SRRM4: variants seen among roughly 807,000 people sequenced by gnomAD.
SRRM4 encodes serine/arginine repetitive matrix protein 4.
Under a neutral mutation model 68.9 loss-of-function variants are expected in SRRM4, and 33 were observed. That is an observed-to-expected ratio of 0.48 (90% CI 0.36 to 0.64). SRRM4 has a LOEUF of 0.64. Among genes scored for constraint, SRRM4 ranks in the 30% least tolerant of loss-of-function variants. SRRM4 has a pLI of 0.00. For missense variants in SRRM4, 817 were observed against 827.1 expected (o/e 0.99, Z 0.15); for synonymous variants, 318 against 318.8 (o/e 1.00, Z 0.03).
rs527654862 is a variant in SRRM4, at chr12:119,045,946, G to A, written c.132-56290G>A. The stretch of plus-strand genomic sequence containing the variant: ...CCAGCTACTCAGGAGGCTGAGGCAG[G>A]GGAATTGCTTGAACCCGGGAGGCAG... On this transcript the variant is annotated intron_variant, in intron 1 of 12. Transcript: ENST00000267260. Among the ~76,000 whole-genome samples the A allele has an allele frequency of 4.6e-5, 7 of 152,182 alleles. No individual in the cohort carries two copies. The South Asian group carries it at 1.2e-3, about 27-fold the overall frequency.
rs749002910 is a variant in SRRM4, at chr12:119,156,447, A to T, written c.1533-48A>T. ...GACAAGACTGGGGCTCGCTGCGGGG[A>T]GGCACGGAGGGGCCGGCCCTCATCC... is the stretch of plus-strand genomic sequence containing the variant. On this transcript the variant is annotated intron_variant, in intron 12 of 12. Transcript: ENST00000267260. 9.2e-6 allele frequency: 14 copies of T among 1,523,930 alleles called. 1 individual carries two copies. The South Asian group carries it at 1.7e-4, about 19-fold the overall frequency. 94.4% of individuals were successfully genotyped at this position (1,523,930 alleles called of 1,614,324 possible).
chr12:119,125,920 CAAAACA>C (rs574797846), intron 7 of SRRM4, among the ~76,000 whole-genome samples: 24 of 146,542 alleles, frequency 1.6e-4, no homozygotes, highest in Non-Finnish European at 9.0e-5. Context: ...GACTCCATCT[CAAAACA>C]AAAACAAAAA....
chr12:119,003,469 G>A (rs1460786514), intron 1 of SRRM4, among the ~76,000 whole-genome samples: 2 of 151,914 alleles, frequency 1.3e-5, no homozygotes, highest in Non-Finnish European at 2.9e-5. Context: ...TTTTATACAT[G>A]TTTTCAGTTC....
chr12:119,143,557 G>A (rs1402435272), intron 8 of SRRM4, among the ~76,000 whole-genome samples: 1 of 152,168 alleles, frequency 6.6e-6, no homozygotes, highest in Non-Finnish European at 1.5e-5. Context: ...GGCAGTGGCG[G>A]GAGAATCTGG....
intron 7 of SRRM4, 45 bp downstream of exon 7, chr12:119,125,524 C>T (rs756949031): frequency 6.4e-7 from 1 of 1,552,426 alleles, no homozygotes; most frequent in African/African-American, 1.4e-5. Flanking sequence ...CACAGCCGAG[C>T]CCAGGCTAAG....
chr12:119,120,183 C>A, intron 4 of SRRM4, 67 bp from the exon 5 acceptor site: 1 of 1,120,290 alleles, frequency 8.9e-7, no homozygotes, highest in Non-Finnish European at 1.3e-6. Context: ...CTCTCTCTCT[C>A]CCTCTCTTTC....
chr12:118,999,597 G>A (rs957408437), intron 1 of SRRM4, among the ~76,000 whole-genome samples: 4 of 152,178 alleles, frequency 2.6e-5, no homozygotes, highest in African/African-American at 9.7e-5. Context: ...AACTAACAGA[G>A]TTATTTATAA....
chr12:119,120,253 A>G lies in SRRM4; in HGVS notation c.441A>G (p.Ser147=). The change falls in exon 5 of 13, where the codon TCA becomes TCG. Residue 147 remains serine, a synonymous_variant. Transcript: ENST00000267260. ...TTTTTTCTTTCTTTCTTTTCAGGTC[A>G]TTCTCCAAGAAGAGAAGGCACAGGT... ...KSSKKHKRRR[S]FSKKRRHSSS... is the part of the protein sequence containing the mutation. The G allele has an allele frequency of 6.5e-7, 1 of 1,536,646 alleles. No homozygotes were observed. The highest frequency in any genetic ancestry group is 2.0e-5 in the Admixed American group (1 of 49,332).
chr12:119,139,292 A>G (rs1954349942), intron 8 of SRRM4, among the ~76,000 whole-genome samples: 1 of 152,180 alleles, frequency 6.6e-6, no homozygotes, highest in Non-Finnish European at 1.5e-5. Context: ...TCAGATGCTC[A>G]CAACTCTAAT....
intron 1 of SRRM4, among the ~76,000 whole-genome samples, chr12:119,035,086 A>G (rs1478798952): frequency 6.6e-6 from 1 of 152,180 alleles, no homozygotes; most frequent in Admixed American, 6.5e-5. Flanking sequence ...GCCACAGTAT[A>G]TTCTTGAATA....
At chr12:119,054,013 G>T (rs373792453) in intron 1 of SRRM4, among the ~76,000 whole-genome samples, 1 of 151,918 alleles carries the variant, frequency 6.6e-6, no homozygotes, top group Non-Finnish European at 1.5e-5. Context: ...TAAACCATCC[G>T]CACCTCCCCG....
intron 7 of SRRM4, among the ~76,000 whole-genome samples, chr12:119,126,275 C>T (rs567783254): frequency 6.6e-6 from 1 of 151,992 alleles, no homozygotes; most frequent in Non-Finnish European, 1.5e-5. Flanking sequence ...CCAACCGTCT[C>T]GGCCTCCCAA....
intron 1 of SRRM4, among the ~76,000 whole-genome samples, chr12:119,027,863 C>G (rs1476248775): frequency 1.3e-5 from 2 of 152,158 alleles, no homozygotes; most frequent in Non-Finnish European, 2.9e-5. Context: ...GACTTCGGGG[C>G]CTGTACTTTT....
chr12:119,122,123 A>G lies in SRRM4; in HGVS notation c.515+3A>G. The G allele has an allele frequency of 6.2e-7, 1 of 1,601,656 alleles. No individual in the cohort carries two copies. The highest frequency in any genetic ancestry group is 8.6e-7 in the Non-Finnish European group (1 of 1,168,648). On this transcript the variant is annotated splice_donor_region_variant and intron_variant, in intron 6 of 12. Coordinates refer to ENST00000267260, the MANE Select transcript of SRRM4 (RefSeq NM_194286.4). The stretch of plus-strand genomic sequence containing the variant: ...GATGAGAAGAGGCACAAGAAACAGT[A>G]AGTAGATACTACCTGGAATGTACTC...
intron 2 of SRRM4, among the ~76,000 whole-genome samples, chr12:119,104,713 G>C (rs1954096727): frequency 6.6e-6 from 1 of 151,916 alleles, no homozygotes; most frequent in Admixed American, 6.6e-5. Context: ...AGGTTTGTCA[G>C]CTTCTGGACC....
chr12:119,010,534 A>G (rs1353664465), intron 1 of SRRM4, among the ~76,000 whole-genome samples: 2 of 152,200 alleles, frequency 1.3e-5, no homozygotes, highest in African/African-American at 2.4e-5. Context: ...AAAACTAAAA[A>G]CAGTGTGGTA....
At chr12:119,029,361 C>G (rs753031450) in intron 1 of SRRM4, among the ~76,000 whole-genome samples, 3 of 152,174 alleles carry the variant, frequency 2.0e-5, no homozygotes, top group Non-Finnish European at 2.9e-5. Flanking sequence ...TGTGAGCAAA[C>G]AGAGGAGAGA....
intron 2 of SRRM4, chr12:119,113,948 G>A (rs905525773): frequency 1.6e-5 from 3 of 186,740 alleles, no homozygotes; most frequent in Non-Finnish European, 3.4e-5. Context: ...CGGCTGATGA[G>A]TTATTTAAAA....
chr12:118,997,310 A>G (rs1309862668), intron 1 of SRRM4, among the ~76,000 whole-genome samples: 3 of 152,208 alleles, frequency 2.0e-5, no homozygotes, highest in Non-Finnish European at 4.4e-5. Flanking sequence ...CTTGTAACGT[A>G]AAGGAGAACA....
Sources: gnomAD v4.1 joint callset for allele counts (sites outside exome capture counted in the v4.1 genomes callset) on GRCh38, gnomAD v4.1.1 for gene constraint, MANE v1.5 for transcripts, NCBI Gene and HGNC (gene_info 2026-07-23, HGNC 2026-07-21) for gene names.